Variants in ALG5 observed in about 807,000 individuals in gnomAD.
ALG5 encodes dolichyl-phosphate beta-glucosyltransferase.
ALG5 carries 26 observed loss-of-function variants against 51.8 expected under a neutral mutation model. That is an observed-to-expected ratio of 0.50 (90% CI 0.37 to 0.70). The LOEUF (loss-of-function observed/expected upper bound fraction) is 0.70. Among genes scored for constraint, ALG5 ranks in the 30% least tolerant of loss-of-function variants. ALG5 has a pLI of 0.00. For synonymous variants in ALG5, 141 were observed against 136.1 expected (o/e 1.04, Z -0.25); for missense variants, 311 against 399.3 (o/e 0.78, Z 1.88).
Position 36,989,544 on chromosome 13 carries a change from A to G in ALG5, c.387T>C (p.Ser129=), listed in dbSNP as rs916768806. 6.2e-7 allele frequency: 1 copy of G among 1,612,730 alleles called. No individual in the cohort carries two copies. ...VAFKYCQKYG[S]DKVRVITLVK... is the part of the protein sequence containing the mutation. ...CCAGGGTTATCACACGTACTTTGTC[A>G]CTTCCATATTTCTGGCAATATTTAA... The change falls in exon 5 of 10, where the codon AGT becomes AGC. Residue 129 remains serine (S), a synonymous_variant. Transcript: ENST00000239891.
chr13:36,966,820 T>C (rs2058895792), intron 7 of ALG5, among the ~76,000 whole-genome samples: 1 of 152,232 alleles, frequency 6.6e-6, no homozygotes, highest in African/African-American at 2.4e-5. Context: ...CCCTTCCTCC[T>C]TTTGGCTTTT....
At chr13:36,986,399 T>C (rs1436612583) in intron 5 of ALG5, among the ~76,000 whole-genome samples, 1 of 152,202 alleles carries the variant, frequency 6.6e-6, no homozygotes, top group African/African-American at 2.4e-5. Context: ...CATACAGAAA[T>C]AAACTGCACA....
intron 6 of ALG5, among the ~76,000 whole-genome samples, chr13:36,982,616 T>C (rs1200416504): frequency 1.3e-5 from 2 of 152,234 alleles, no homozygotes; most frequent in African/African-American, 4.8e-5. Context: ...ACACCTGAAT[T>C]ACATAAGTAA....
chr13:36,967,127 G>A (rs2058897843), intron 7 of ALG5, among the ~76,000 whole-genome samples: 1 of 151,544 alleles, frequency 6.6e-6, no homozygotes, highest in African/African-American at 2.4e-5. Flanking sequence ...GGAGGCTGAG[G>A]CAGAAGAATC....
chr13:36,995,648 C>T (rs773902270), intron 1 of ALG5, 52 bp from the exon 2 acceptor site: 2 of 1,520,660 alleles, frequency 1.3e-6, no homozygotes, highest in South Asian at 1.2e-5. Context: ...GTTTTGCTGA[C>T]TTTTCTGTAT....
At position 36,999,251 on chromosome 13, in the gene ALG5, GCCGCCAGCGCCGCGCCGAGCA is replaced by G. The variant is rs778228464; in HGVS notation, c.29_49del (p.Val10_Ala16del). The G allele has an allele frequency of 1.3e-6, 2 of 1,580,228 alleles. No individual in the cohort carries two copies. Among genetic ancestry groups the G allele is most frequent in the Non-Finnish European group, 8.6e-7 (1 of 1,166,158 alleles). ...TGTTCTCACCAGTACGAGGGCTGCGGCCGCCAGCGCCGCGCCGAGCACCGCCAGCTGCAACAGAAGCGGAGC... is the reference window on the plus strand; with the variant it reads ...TGTTCTCACCAGTACGAGGGCTGCGGCCGCCAGCTGCAACAGAAGCGGAGC... On this transcript the variant is annotated inframe_deletion, in exon 1 of 10. Coordinates refer to ENST00000239891, the MANE Select transcript of ALG5 (RefSeq NM_013338.5).
In ALG5 at chr13:36,965,605, C is replaced by T. The variant is rs141234827; in HGVS notation, c.743G>A (p.Arg248Gln). The change falls in exon 8 of 10, where the codon CGG (arginine) becomes CAG (glutamine). Residue 248 changes from arginine (R) to glutamine (Q), a missense_variant. Arg to Gln is a conservative substitution (Grantham distance 43). Transcript: ENST00000239891. ...TTCAACGTGTAGAGATGAAAACGTC[C>T]GTGAAGCTGCTTCTCGAGTAAATAA... ...FKLFTREAAS[R>Q]TFSSLHVERW... 51 of 1,613,802 alleles carry T rather than the reference C, an allele frequency of 3.2e-5. No individual in the cohort carries two copies. Among genetic ancestry groups the T allele is most frequent in the African/African-American group, 6.7e-5 (5 of 74,874 alleles).
chr13:36,976,390 C>T (rs1219639042), intron 6 of ALG5, among the ~76,000 whole-genome samples: 4 of 128,984 alleles, frequency 3.1e-5, no homozygotes, highest in East Asian at 2.3e-4. Context: ...TGCGCCATTG[C>T]ACTCCATCTT....
intron 1 of ALG5, among the ~76,000 whole-genome samples, chr13:36,996,737 A>G (rs903298721): frequency 6.6e-6 from 1 of 152,244 alleles, no homozygotes; most frequent in Non-Finnish European, 1.5e-5. Flanking sequence ...GGGTAAATGA[A>G]TAGCTGAGGA....
intron 4 of ALG5, among the ~76,000 whole-genome samples, chr13:36,990,418 C>A (rs1338774117): frequency 6.6e-6 from 1 of 152,186 alleles, no homozygotes; most frequent in Non-Finnish European, 1.5e-5. Flanking sequence ...CTCTACTGTT[C>A]CCAAGTTTTC....
intron 1 of ALG5, chr13:36,998,811 A>G (rs2186157): frequency 0.91 from 148,743 of 162,944 alleles, 68,048 homozygotes; most frequent in East Asian, 1. Context: ...CAGCCAAGGG[A>G]GCAGGCTAGG....
chr13:36,980,424 G>A (rs562877457), intron 6 of ALG5, among the ~76,000 whole-genome samples: 38 of 151,894 alleles, frequency 2.5e-4, no homozygotes, highest in African/African-American at 8.9e-4. Context: ...ACGGGATTTC[G>A]CTATGTTGGC....
Position 36,973,171 on chromosome 13 carries a change from A to C in ALG5, c.562-1135T>G, listed in dbSNP as rs890688441. Among the ~76,000 whole-genome samples, 7 of 151,988 alleles carry C rather than the reference A, an allele frequency of 4.6e-5. No individual in the cohort carries two copies. The East Asian group carries it at 5.8e-4, about 13-fold the overall frequency. Reference sequence around the variant, plus strand: ...TTTAAAAGAGAAGCAAAAATAATCAAGAAAAAAGCCAGGAAAATTCAAGAG... The same window carrying C: ...TTTAAAAGAGAAGCAAAAATAATCACGAAAAAAGCCAGGAAAATTCAAGAG... On this transcript the variant is annotated intron_variant, in intron 6 of 9. Transcript: ENST00000239891.
At position 36,995,276 on chromosome 13, in the gene ALG5, C is replaced by T. The variant is rs537612227; in HGVS notation, c.238+149G>A. 18 of 894,612 alleles carry T rather than the reference C, an allele frequency of 2.0e-5. No individual in the cohort carries two copies. The South Asian group carries it at 3.2e-4, about 16-fold the overall frequency. 55.4% of individuals were successfully genotyped at this position (894,612 alleles called of 1,614,324 possible). A position where few individuals can be genotyped will look rare whatever the true frequency, so the allele number is the denominator to read the frequency against. On this transcript the variant is annotated intron_variant, in intron 2 of 9. Coordinates refer to ENST00000239891, the MANE Select transcript of ALG5 (RefSeq NM_013338.5). The stretch of plus-strand genomic sequence containing the variant: ...TTCATGAGAGCAAATATTCACTTCC[C>T]TCTCTGCCGAACTACAACAATTATC...
At chr13:36,971,674 T>TAAAAAAAA (rs2058924272) in intron 7 of ALG5, among the ~76,000 whole-genome samples, 1 of 109,270 alleles carries the variant, frequency 9.2e-6, no homozygotes. Flanking sequence ...AAAAAAAGCG[T>TAAAAAAAA]AATTTAAAGT....
intron 1 of ALG5, among the ~76,000 whole-genome samples, chr13:36,996,934 A>G (rs909790495): frequency 3.9e-5 from 6 of 152,226 alleles, no homozygotes; most frequent in African/African-American, 9.6e-5. Context: ...CCACAGATCC[A>G]TCTTAACACC....
intron 7 of ALG5, among the ~76,000 whole-genome samples, chr13:36,970,034 A>C (rs2058914421): frequency 6.7e-6 from 1 of 149,390 alleles, no homozygotes; most frequent in African/African-American, 2.4e-5. Context: ...CTACAATTTT[A>C]TATATATACT....
Position 36,978,017 on chromosome 13 carries a change from G to C in ALG5, c.562-5981C>G, listed in dbSNP as rs1241415794. ...TTCTCTTGCCTCAGCCTCCCGAGTA[G>C]CTGCGATTACAGGCACGTGGCACCA... On this transcript the variant is annotated intron_variant, in intron 6 of 9. Coordinates refer to ENST00000239891, the MANE Select transcript of ALG5 (RefSeq NM_013338.5). 2.7e-5 allele frequency among the ~76,000 whole-genome samples: 4 copies of C among 150,378 alleles called. 1 individual carries two copies. The highest frequency in any genetic ancestry group is 2.0e-4 in the Admixed American group (3 of 15,068).
chr13:36,966,570 T>C (rs1457569647), intron 7 of ALG5, among the ~76,000 whole-genome samples: 1 of 152,174 alleles, frequency 6.6e-6, no homozygotes, highest in Non-Finnish European at 1.5e-5. Flanking sequence ...AGTCCAGTGG[T>C]GTGGTCATGG....
Sources: gnomAD v4.1 joint callset for allele counts (sites outside exome capture counted in the v4.1 genomes callset) on GRCh38, gnomAD v4.1.1 for gene constraint, MANE v1.5 for transcripts, NCBI Gene and HGNC (gene_info 2026-07-23, HGNC 2026-07-21) for gene names.